EIPR1: variants seen among roughly 807,000 people sequenced by gnomAD.
EIPR1 encodes EARP and GARP complex-interacting protein 1.
EIPR1 carries 25 observed loss-of-function variants against 48.1 expected under a neutral mutation model. That is an observed-to-expected ratio of 0.52 (90% confidence interval 0.38 to 0.73). The LOEUF is 0.73. Ranked by LOEUF, EIPR1 falls within the 30% of genes least tolerant of loss-of-function variation. EIPR1 has a pLI of 0.00. For synonymous variants in EIPR1, 204 were observed against 201.9 expected (o/e 1.01, Z -0.09); for missense variants, 415 against 506.2 (o/e 0.82, Z 1.73).
intron 4 of EIPR1, among the ~76,000 whole-genome samples, chr2:3,221,727 A>G (rs13424040): frequency 0.014 from 68 of 4,846 alleles, 21 homozygotes; most frequent in Admixed American, 0.046. Context: ...CACAATGGCC[A>G]AGATACACTC....
intron 5 of EIPR1, chr2:3,208,185 T>C (rs1178110976): frequency 6.7e-5 from 15 of 223,740 alleles, no homozygotes; most frequent in Admixed American, 5.1e-5. Context: ...ATTTACCAGA[T>C]TTTGTTCCAA....
At chr2:3,253,814 G>C (rs934678098) in intron 4 of EIPR1, among the ~76,000 whole-genome samples, 4 of 152,166 alleles carry the variant, frequency 2.6e-5, no homozygotes, top group Non-Finnish European at 4.4e-5. Flanking sequence ...ACACAGGAGG[G>C]GTGATGGAAA....
intron 2 of EIPR1, among the ~76,000 whole-genome samples, 173 bp from the exon 3 acceptor site, chr2:3,338,322 C>T (rs1247898899): frequency 6.6e-6 from 1 of 152,196 alleles, no homozygotes; most frequent in Non-Finnish European, 1.5e-5. Flanking sequence ...TTACTGGACT[C>T]CTCTCCAAAG....
intron 5 of EIPR1, among the ~76,000 whole-genome samples, chr2:3,213,274 A>G (rs896301551): frequency 7.4e-4 from 112 of 152,358 alleles, no homozygotes; most frequent in African/African-American, 2.6e-3. Flanking sequence ...TGGTTACTTT[A>G]ACATAAACAA....
At chr2:3,321,077 G>A (rs990827734) in intron 3 of EIPR1, among the ~76,000 whole-genome samples, 1 of 152,174 alleles carries the variant, frequency 6.6e-6, no homozygotes, top group African/African-American at 2.4e-5. Flanking sequence ...GGCTCCACCT[G>A]AAGCATGCTG....
chr2:3,277,552 A>G (rs1667889944), intron 3 of EIPR1, among the ~76,000 whole-genome samples: 1 of 152,148 alleles, frequency 6.6e-6, no homozygotes. Context: ...ATAAGAACTC[A>G]CTTACCCGGT....
chr2:3,345,138 T>C (rs895474312), intron 2 of EIPR1, among the ~76,000 whole-genome samples: 1 of 152,112 alleles, frequency 6.6e-6, no homozygotes, highest in Non-Finnish European at 1.5e-5. Context: ...GGTCAAGGGC[T>C]GCGGGGGAGG....
At chr2:3,363,124 A>G (rs1443844832) in intron 1 of EIPR1, among the ~76,000 whole-genome samples, 1 of 152,144 alleles carries the variant, frequency 6.6e-6, no homozygotes, top group Non-Finnish European at 1.5e-5. Context: ...CATTCCTGCC[A>G]GCCTGCGATG....
rs184943180 is a variant in EIPR1, at chr2:3,220,951, T to G, written c.417-6703A>C. Among the ~76,000 whole-genome samples the G allele has an allele frequency of 2.7e-3, 390 of 143,060 alleles. 36 individuals are homozygous for G. The highest frequency in any genetic ancestry group is 0.02 in the Middle Eastern group (5 of 246). The allele number at this position is 143,060 out of a possible 152,430, so 93.9% of individuals were successfully genotyped here. ...ACATTTTACAGCATTTATAGTCAGG[T>G]GCACATGCACACGATGACCATGGTA... On this transcript the variant is annotated intron_variant, in intron 4 of 8. Coordinates refer to ENST00000382125, the MANE Select transcript of EIPR1 (RefSeq NM_003310.5).
chr2:3,221,078 C>T lies in EIPR1; in HGVS notation c.417-6830G>A, dbSNP rs1285368180. Among the ~76,000 whole-genome samples the T allele has an allele frequency of 8.2e-3, 133 of 16,244 alleles. 17 individuals carry two copies. The highest frequency in any genetic ancestry group is 3.2e-3 in the Non-Finnish European group (16 of 4,966). 10.7% of individuals were successfully genotyped at this position (16,244 alleles called of 152,430 possible). A position where few individuals can be genotyped will look rare whatever the true frequency, so the allele number is the denominator to read the frequency against. On this transcript the variant is annotated intron_variant, in intron 4 of 8. Transcript: ENST00000382125. ...GTCGGGAACACACGCACACAATGGC[C>T]GAGGTACACTCTAGAGCATTCACAG...
rs560766456 is a variant in EIPR1 at position 3,330,331 on chromosome 2, G to A, written c.259+7686C>T. Among the ~76,000 whole-genome samples the A allele has an allele frequency of 5.3e-5, 8 of 152,330 alleles. No homozygotes were observed. In the East Asian group the frequency reaches 1.4e-3, roughly 26 times the overall value. On this transcript the variant is annotated intron_variant, in intron 3 of 8. Transcript: ENST00000382125. ...AAAGTTTTCAAAATGGCTTGCACTAGTATAACAGATCAAGTTAGGACACGG... is the reference window on the plus strand; with the variant it reads ...AAAGTTTTCAAAATGGCTTGCACTAATATAACAGATCAAGTTAGGACACGG...
chr2:3,237,783 G>A (rs1031183425), intron 4 of EIPR1, among the ~76,000 whole-genome samples: 3 of 152,146 alleles, frequency 2.0e-5, no homozygotes, highest in Admixed American at 6.5e-5. Context: ...TCCGTCCAGC[G>A]GGGAGAATAG....
intron 3 of EIPR1, among the ~76,000 whole-genome samples, chr2:3,294,014 T>A (rs1375570396): frequency 6.6e-6 from 1 of 152,178 alleles, no homozygotes; most frequent in Non-Finnish European, 1.5e-5. Context: ...TTTGATGATA[T>A]CCAAAGTGCA....
chr2:3,376,714 A>G (rs1659896734), intron 1 of EIPR1, among the ~76,000 whole-genome samples: 1 of 151,384 alleles, frequency 6.6e-6, no homozygotes, highest in African/African-American at 2.4e-5. Context: ...AAAAGCAGAC[A>G]TCATTTATAT....
intron 4 of EIPR1, among the ~76,000 whole-genome samples, chr2:3,230,638 T>A (rs909765350): frequency 6.6e-6 from 1 of 152,254 alleles, no homozygotes; most frequent in African/African-American, 2.4e-5. Flanking sequence ...ATTCTTGGTA[T>A]CTTTCTCAAA....
intron 3 of EIPR1, among the ~76,000 whole-genome samples, chr2:3,292,659 G>A (rs1203655454): frequency 1.3e-5 from 2 of 152,198 alleles, no homozygotes; most frequent in African/African-American, 2.4e-5. Flanking sequence ...TGATGCTGAC[G>A]TCTGTGCTGC....
chr2:3,339,109 G>GT (rs1156694271), intron 2 of EIPR1, among the ~76,000 whole-genome samples: 1 of 152,232 alleles, frequency 6.6e-6, no homozygotes, highest in African/African-American at 2.4e-5. Flanking sequence ...ATGGAACGAT[G>GT]TAATATATGT....
intron 1 of EIPR1, among the ~76,000 whole-genome samples, chr2:3,359,977 G>A (rs1207037449): frequency 3.9e-5 from 6 of 152,138 alleles, no homozygotes; most frequent in South Asian, 2.1e-4. Context: ...CACTCCCAAC[G>A]TTCAGCCCGG....
At chr2:3,254,060 G>T (rs893982009) in intron 4 of EIPR1, among the ~76,000 whole-genome samples, 2 of 152,128 alleles carry the variant, frequency 1.3e-5, no homozygotes. Flanking sequence ...GCTGTTCTTG[G>T]TGCCAATTAT....
Sources: allele counts gnomAD v4.1 joint callset (sites outside exome capture counted in the v4.1 genomes callset), GRCh38; gene constraint gnomAD v4.1.1; transcripts MANE v1.5; gene names NCBI Gene and HGNC (gene_info 2026-07-23, HGNC 2026-07-21).